The following KBTBD11 variants were observed in gnomAD, a reference collection of about 807,000 sequenced individuals.
KBTBD11 encodes the protein kelch repeat and BTB domain-containing protein 11.
For synonymous variants in KBTBD11, 747 were observed against 499.0 expected (o/e 1.50, Z -6.63); for missense variants, 1,390 against 1,001.8 (o/e 1.39, Z -5.23).
chr8:1,989,476 C>A (rs1276012829), intron 1 of KBTBD11, among the ~76,000 whole-genome samples: 1 of 152,182 alleles, frequency 6.6e-6, no homozygotes, highest in Admixed American at 6.5e-5. Flanking sequence ...TCTCATTCCT[C>A]TTCTACTTTC....
chr8:1,978,119 C>T (rs1816412461), intron 1 of KBTBD11, among the ~76,000 whole-genome samples: 1 of 152,196 alleles, frequency 6.6e-6, no homozygotes, highest in Admixed American at 6.5e-5. Flanking sequence ...TTAAGCCCAG[C>T]AGGCATTAGC....
intron 1 of KBTBD11, among the ~76,000 whole-genome samples, chr8:1,975,728 T>A (rs1816314866): frequency 6.6e-6 from 1 of 152,174 alleles, no homozygotes. Flanking sequence ...CTAAAGAAAT[T>A]CCCAGGGAGC....
Position 1,977,493 on chromosome 8 carries a change from C to T in KBTBD11, c.-909+3558C>T, listed in dbSNP as rs539116750. 1.1e-3 allele frequency among the ~76,000 whole-genome samples: 169 copies of T among 152,078 alleles called. 1 individual carries two copies. The highest frequency in any genetic ancestry group is 6.9e-3 in the South Asian group (33 of 4,798). ...CTGCACATCCTCTCTTTGAACAGGT[C>T]CTCCTGCAGTAGTCAGAACAATGAT... On this transcript the variant is annotated intron_variant, in intron 1 of 1. Coordinates refer to ENST00000320248, the MANE Select transcript of KBTBD11 (RefSeq NM_014867.3).
intron 1 of KBTBD11, among the ~76,000 whole-genome samples, chr8:1,995,663 G>T (rs956344682): frequency 6.6e-6 from 1 of 152,088 alleles, no homozygotes; most frequent in Non-Finnish European, 1.5e-5. Context: ...TTTGGGCCTG[G>T]AGAGGAAATA....
chr8:1,990,121 A>G (rs1022437338), intron 1 of KBTBD11, among the ~76,000 whole-genome samples: 1 of 152,202 alleles, frequency 6.6e-6, no homozygotes, highest in African/African-American at 2.4e-5. Context: ...TGCCTGTCTC[A>G]AGTGTGTGAG....
intron 1 of KBTBD11, among the ~76,000 whole-genome samples, chr8:1,998,891 G>T (rs1182391755): frequency 6.6e-6 from 1 of 152,186 alleles, no homozygotes; most frequent in African/African-American, 2.4e-5. Context: ...GTTACATTGT[G>T]GTCCTTTCCC....
At chr8:1,981,119 G>C (rs1029936805) in intron 1 of KBTBD11, among the ~76,000 whole-genome samples, 3 of 152,198 alleles carry the variant, frequency 2.0e-5, no homozygotes, top group Non-Finnish European at 4.4e-5. Context: ...CAGGCCAAGA[G>C]AGAGTAGGGT....
rs554715907 is a variant in KBTBD11, at chr8:2,005,879, A to G, written c.*2815A>G. On this transcript the variant is annotated 3_prime_UTR_variant, in exon 2 of 2. Transcript: ENST00000320248. ...CTGACCTTTTGCTTAGTTGACAGCA[A>G]TCCCTTCTGTATTGCCAATCAAGGT... The G allele has an allele frequency of 1.2e-4, 20 of 167,226 alleles. No homozygotes were observed. Among genetic ancestry groups the G allele is most frequent in the Middle Eastern group, 3.4e-3 (1 of 296 alleles). 10.4% of individuals were successfully genotyped at this position (167,226 alleles called of 1,614,324 possible). A position where few individuals can be genotyped will look rare whatever the true frequency, so the allele number is the denominator to read the frequency against.
intron 1 of KBTBD11, among the ~76,000 whole-genome samples, chr8:1,984,578 C>T (rs751662747): frequency 4.6e-5 from 7 of 152,084 alleles, no homozygotes; most frequent in Non-Finnish European, 8.8e-5. Context: ...TGAGCCTCCA[C>T]GCGTGGCCCC....
intron 1 of KBTBD11, chr8:1,975,975 T>C (rs990323815): frequency 6.6e-6 from 1 of 152,252 alleles, no homozygotes; most frequent in Non-Finnish European, 1.5e-5. Flanking sequence ...CTCCGTGCTG[T>C]GGACGCCTCC....
At position 1,991,155 on chromosome 8, in the gene KBTBD11, TC is replaced by T. The variant is rs1220252831; in HGVS notation, c.-908-9129del. 1.1e-4 allele frequency among the ~76,000 whole-genome samples: 17 copies of T among 152,336 alleles called. No individual in the cohort carries two copies. In the South Asian group the frequency reaches 3.3e-3, roughly 30 times the overall value. On this transcript the variant is annotated intron_variant, in intron 1 of 1. Transcript: ENST00000320248. ...ATGCTGTGGGGCCTTGGTGCCCTCT[TC>T]TTGTCCTGCTGTGGGCCTCTGTAGT... is the stretch of plus-strand genomic sequence containing the variant.
chr8:1,996,710 C>G (rs2129314791), intron 1 of KBTBD11, among the ~76,000 whole-genome samples: 1 of 152,168 alleles, frequency 6.6e-6, no homozygotes, highest in East Asian at 1.9e-4. Context: ...TAAAATAGAG[C>G]ATGATATTTT....
chr8:1,983,530 A>G (rs1187595911), intron 1 of KBTBD11, among the ~76,000 whole-genome samples: 1 of 152,066 alleles, frequency 6.6e-6, no homozygotes, highest in African/African-American at 2.4e-5. Context: ...GCATGACCTC[A>G]TGATGCATCT....
intron 1 of KBTBD11, among the ~76,000 whole-genome samples, chr8:1,980,224 C>G (rs908901833): frequency 7.5e-4 from 90 of 119,574 alleles, no homozygotes; most frequent in African/African-American, 1.5e-3. Flanking sequence ...TACTGATAAT[C>G]AAACTTTTTT....
At chr8:1,990,412 G>A (rs564414740) in intron 1 of KBTBD11, among the ~76,000 whole-genome samples, 17 of 140,370 alleles carry the variant, frequency 1.2e-4, no homozygotes, top group African/African-American at 2.6e-4. Context: ...AGGTGCTGCC[G>A]GGCCTTGGCG....
intron 1 of KBTBD11, among the ~76,000 whole-genome samples, chr8:1,983,991 G>A (rs573650898): frequency 4.6e-5 from 7 of 152,274 alleles, no homozygotes; most frequent in South Asian, 4.1e-4. Flanking sequence ...TTAGCTGGGC[G>A]TGGTGGCAGG....
At chr8:1,989,710 A>G in intron 1 of KBTBD11, among the ~76,000 whole-genome samples, 1 of 152,156 alleles carries the variant, frequency 6.6e-6, no homozygotes, top group East Asian at 1.9e-4. Context: ...GCAGTGGTTA[A>G]GGGGCCAGAC....
chr8:1,973,865 G>C lies in KBTBD11; in HGVS notation c.-979G>C, dbSNP rs1429023871. The stretch of plus-strand genomic sequence containing the variant: ...CCCACAGGTGCCGGGAAGCGGCCGC[G>C]CGCATGCGCCGGAGCCCACCCGCCT... On this transcript the variant is annotated 5_prime_UTR_variant, in exon 1 of 2. Coordinates refer to ENST00000320248, the MANE Select transcript of KBTBD11 (RefSeq NM_014867.3). 2.6e-5 allele frequency: 26 copies of C among 982,852 alleles called. No individual in the cohort carries two copies. Among genetic ancestry groups the C allele is most frequent in the Non-Finnish European group, 3.0e-5 (25 of 828,994 alleles). 60.9% of individuals were successfully genotyped at this position (982,852 alleles called of 1,614,324 possible). A position where few individuals can be genotyped will look rare whatever the true frequency, so the allele number is the denominator to read the frequency against.
Position 2,002,993 on chromosome 8 carries a change from C to T in KBTBD11, c.1801C>T (p.Arg601Trp), listed in dbSNP as rs1476667262. The T allele has an allele frequency of 3.8e-6, 5 of 1,306,138 alleles. No individual in the cohort carries two copies. Among genetic ancestry groups the T allele is most frequent in the South Asian group, 2.2e-5 (1 of 46,442 alleles). 80.9% of individuals were successfully genotyped at this position (1,306,138 alleles called of 1,614,324 possible). Residue 601 changes from arginine to tryptophan, a missense_variant, in exon 2 of 2, where the codon CGG becomes TGG. Physicochemically the swap from Arg to Trp is moderately radical, Grantham distance 101. Transcript: ENST00000320248. This position sits in a 1 kb window ranked among gnomAD's most constrained non-coding sequence, Gnocchi z 4.1. ...GGCGCTGGGCGCCCCCTTGGACGTC[C>T]GGGGTGTGCTCATCCCGTTCGCTCT... ...FEALGAPLDV[R>W]GVLIPFALSL... is the part of the protein sequence containing the mutation.
Sources: allele counts gnomAD v4.1 joint callset (sites outside exome capture counted in the v4.1 genomes callset), GRCh38; gene constraint gnomAD v4.1.1; non-coding constraint Gnocchi (gnomAD v3.1); transcripts MANE v1.5; gene names NCBI Gene and HGNC (gene_info 2026-07-23, HGNC 2026-07-21).